Variants in LRRC20 observed in about 807,000 individuals in gnomAD.
The protein encoded by LRRC20 is leucine rich repeat containing 20, also known as leucine-rich repeat-containing protein 20.
LRRC20 carries 11 observed loss-of-function variants against 14.4 expected under a neutral mutation model. The observed-to-expected ratio is 0.77, with a 90% confidence interval of 0.48 to 1.27. The LOEUF is 1.27. Among genes scored for constraint, LRRC20 ranks in the 50% most tolerant of loss-of-function variants. LRRC20 has a pLI of 0.00. For synonymous variants in LRRC20, 121 were observed against 107.3 expected (o/e 1.13, Z -0.79); for missense variants, 219 against 251.2 (o/e 0.87, Z 0.87).
chr10:70,319,248 T>G (rs1277312782), intron 4 of LRRC20, among the ~76,000 whole-genome samples: 1 of 150,950 alleles, frequency 6.6e-6, no homozygotes, highest in African/African-American at 2.4e-5. Flanking sequence ...ACTGAAATAA[T>G]AGTCTCCTAC....
chr10:70,358,680 CT>C (rs2137091045), intron 2 of LRRC20, among the ~76,000 whole-genome samples: 2 of 152,348 alleles, frequency 1.3e-5, no homozygotes, highest in East Asian at 3.9e-4. Flanking sequence ...CTACCGCAGT[CT>C]AGAATGCCCC....
chr10:70,318,697 T>G (rs1344199162), intron 4 of LRRC20, among the ~76,000 whole-genome samples: 1 of 151,024 alleles, frequency 6.6e-6, no homozygotes, highest in Non-Finnish European at 1.5e-5. Flanking sequence ...GAGGTTGCAG[T>G]GAGCCAAGAT....
chr10:70,335,277 C>A (rs1842688025), intron 3 of LRRC20, among the ~76,000 whole-genome samples: 1 of 152,256 alleles, frequency 6.6e-6, no homozygotes. Flanking sequence ...CACAAGCCCT[C>A]TGGGGCCCAG....
intron 4 of LRRC20, among the ~76,000 whole-genome samples, chr10:70,302,084 C>T (rs554050971): frequency 2.6e-5 from 4 of 152,196 alleles, no homozygotes; most frequent in South Asian, 2.1e-4. Flanking sequence ...GAGGGTGAGG[C>T]GGGTGGATCA....
intron 2 of LRRC20, among the ~76,000 whole-genome samples, chr10:70,366,689 T>C (rs780005635): frequency 6.6e-6 from 1 of 152,148 alleles, no homozygotes; most frequent in South Asian, 2.1e-4. Context: ...ATATACTTAA[T>C]ATATAGAGTT....
chr10:70,367,996 T>TGTTATGTTATGTTATGTTATGTGTTATG (rs71009296), intron 2 of LRRC20, among the ~76,000 whole-genome samples: 1 of 148,406 alleles, frequency 6.7e-6, no homozygotes, highest in Non-Finnish European at 1.5e-5. Flanking sequence ...TGTTATGTTA[T>TGTTATGTTATGTTATGTTATGTGTTATG]TTTTTGAGAT....
chr10:70,378,509 G>A (rs375027491), intron 1 of LRRC20, among the ~76,000 whole-genome samples: 92 of 151,696 alleles, frequency 6.1e-4, no homozygotes, highest in African/African-American at 2.1e-3. Flanking sequence ...AAAAATGGTC[G>A]GGCATGGTGG....
At chr10:70,328,841 C>T (rs984001759) in intron 3 of LRRC20, among the ~76,000 whole-genome samples, 1 of 152,060 alleles carries the variant, frequency 6.6e-6, no homozygotes, top group Non-Finnish European at 1.5e-5. Context: ...TTACCTGAAC[C>T]CGGGAGGCGG....
intron 4 of LRRC20, among the ~76,000 whole-genome samples, chr10:70,303,993 G>A (rs1841309435): frequency 6.6e-6 from 1 of 152,148 alleles, no homozygotes; most frequent in South Asian, 2.1e-4. Flanking sequence ...GTTAATTTAA[G>A]TGGTTAATTT....
intron 2 of LRRC20, among the ~76,000 whole-genome samples, chr10:70,369,091 A>G (rs1242486966): frequency 6.6e-6 from 1 of 152,220 alleles, no homozygotes; most frequent in African/African-American, 2.4e-5. Context: ...CAGCCTAACA[A>G]TGATGTAAAT....
intron 2 of LRRC20, among the ~76,000 whole-genome samples, chr10:70,368,971 C>G (rs2137142597): frequency 6.6e-6 from 1 of 152,270 alleles, no homozygotes; most frequent in East Asian, 1.9e-4. Context: ...TGTTGGTTAC[C>G]CAGGACCTAC....
intron 4 of LRRC20, among the ~76,000 whole-genome samples, chr10:70,320,189 G>C (rs544341065): frequency 6.6e-6 from 1 of 152,294 alleles, no homozygotes; most frequent in Admixed American, 6.5e-5. Context: ...GACTGAGTTG[G>C]CTGAGAACAG....
chr10:70,339,494 T>C (rs530023458), intron 3 of LRRC20, among the ~76,000 whole-genome samples: 6 of 151,758 alleles, frequency 4.0e-5, no homozygotes, highest in African/African-American at 1.4e-4. Flanking sequence ...GGGCATGGAG[T>C]TGGGGTCCAT....
At chr10:70,328,296 T>C (rs1041790304) in intron 3 of LRRC20, among the ~76,000 whole-genome samples, 6 of 133,554 alleles carry the variant, frequency 4.5e-5, no homozygotes, top group Admixed American at 2.9e-4. Flanking sequence ...TGTTTTTTGT[T>C]TTTTGGCGTT....
chr10:70,314,178 A>G (rs907250462), intron 4 of LRRC20, among the ~76,000 whole-genome samples: 4 of 152,326 alleles, frequency 2.6e-5, no homozygotes, highest in African/African-American at 9.6e-5. Context: ...TATGGGAGCT[A>G]CAATTCAAGA....
At position 70,300,419 on chromosome 10, in the gene LRRC20, G is replaced by T; in HGVS notation, c.*935C>A. The T allele has an allele frequency of 1.0e-6, 1 of 985,576 alleles. No homozygotes were observed. The highest frequency in any genetic ancestry group is 1.7e-5 in the African/African-American group (1 of 57,354). The allele number at this position is 985,576 out of a possible 1,614,324, so 61.1% of individuals were successfully genotyped here. ...ATCAGGGCTTTGGGCGTTGGCCTGG[G>T]AGCTGGCTGGCTACAAATCCCGTGG... On this transcript the variant is annotated 3_prime_UTR_variant, in exon 5 of 5. Transcript: ENST00000446961.
chr10:70,378,529 G>C (rs1354022809), intron 1 of LRRC20, among the ~76,000 whole-genome samples: 1 of 151,406 alleles, frequency 6.6e-6, no homozygotes, highest in Non-Finnish European at 1.5e-5. Flanking sequence ...GCTCACACCT[G>C]TAATCCCAGC....
intron 2 of LRRC20, among the ~76,000 whole-genome samples, chr10:70,361,467 C>T (rs1274790454): frequency 1.3e-5 from 2 of 152,184 alleles, no homozygotes; most frequent in Non-Finnish European, 2.9e-5. Context: ...GAGGCAGGGG[C>T]AGGGGCAACC....
chr10:70,371,826 G>T (rs1844282722), intron 2 of LRRC20, among the ~76,000 whole-genome samples: 2 of 151,254 alleles, frequency 1.3e-5, no homozygotes, highest in Admixed American at 1.3e-4. Flanking sequence ...ACGTCTCTGG[G>T]GATGGAGAAG....
Sources: allele counts gnomAD v4.1 joint callset (sites outside exome capture counted in the v4.1 genomes callset), GRCh38; gene constraint gnomAD v4.1.1; transcripts MANE v1.5; gene names NCBI Gene and HGNC (gene_info 2026-07-23, HGNC 2026-07-21).